The following MXRA5 variants were observed in gnomAD, a reference collection of about 807,000 sequenced individuals.
MXRA5 encodes matrix-remodeling-associated protein 5.
Under a neutral mutation model 112.5 loss-of-function variants are expected in MXRA5, and 41 were observed. The ratio of observed to expected loss-of-function variants is 0.36; its 90% confidence interval spans 0.28 to 0.47. The LOEUF (loss-of-function observed/expected upper bound fraction) is 0.47, where lower values mean the gene tolerates loss of function less well. Ranked by LOEUF, MXRA5 falls within the 20% of genes least tolerant of loss-of-function variation. MXRA5 has a pLI of 0.99. For missense variants in MXRA5, 2,150 were observed against 2,251.0 expected (o/e 0.96, Z 0.91); for synonymous variants, 862 against 900.8 (o/e 0.96, Z 0.77).
In MXRA5 at chrX:3,346,529, C is replaced by T; in HGVS notation, c.-43G>A. The stretch of plus-strand genomic sequence containing the variant: ...TGGGTCCTCACCTGTCCTTGGGAAG[C>T]CGCCGCACACGGGAGCGGTGCGCCG... On this transcript the variant is annotated 5_prime_UTR_variant, in exon 1 of 7. Transcript: ENST00000217939. 1.3e-6 allele frequency: 1 copy of T among 754,764 alleles called. No homozygotes were observed. The highest frequency in any genetic ancestry group is 1.6e-6 in the Non-Finnish European group (1 of 639,385). 62.2% of individuals were successfully genotyped at this position (754,764 alleles called of 1,213,427 possible).
At chrX:3,338,958 T>TTAGATAGATAGA (rs749467757) in intron 2 of MXRA5, among the ~76,000 whole-genome samples, 225 of 80,813 alleles carry the variant, frequency 2.8e-3, no homozygotes, top group Middle Eastern at 6.0e-3. Context: ...AGATAGATAG[T>TTAGATAGATAGA]TAGATAGATA....
rs773884393 is a variant in MXRA5 at position 3,346,557 on chromosome X, A to C, written c.-71T>G. 2 of 752,772 alleles carry C rather than the reference A, an allele frequency of 2.7e-6. No individual in the cohort carries two copies. Among genetic ancestry groups the C allele is most frequent in the African/African-American group, 4.6e-5 (2 of 43,315 alleles). 62.0% of individuals were successfully genotyped at this position (752,772 alleles called of 1,213,427 possible). On this transcript the variant is annotated 5_prime_UTR_variant, in exon 1 of 7. Coordinates refer to ENST00000217939, the MANE Select transcript of MXRA5 (RefSeq NM_015419.4). Reference sequence around the variant, plus strand: ...CCGCACACGGGAGCGGTGCGCCGGGAGCATCCACCGAGCCGGGGCGCGCGA... The same window carrying C: ...CCGCACACGGGAGCGGTGCGCCGGGCGCATCCACCGAGCCGGGGCGCGCGA...
chrX:3,346,539 C>G lies in MXRA5; in HGVS notation c.-53G>C. The G allele has an allele frequency of 1.3e-6, 1 of 754,741 alleles. No individual in the cohort carries two copies. 62.2% of individuals were successfully genotyped at this position (754,741 alleles called of 1,213,427 possible). A position where few individuals can be genotyped will look rare whatever the true frequency, so the allele number is the denominator to read the frequency against. ...CCTGTCCTTGGGAAGCCGCCGCACA[C>G]GGGAGCGGTGCGCCGGGAGCATCCA... On this transcript the variant is annotated 5_prime_UTR_variant, in exon 1 of 7. Transcript: ENST00000217939.
chrX:3,325,736 T>C (rs940112268), intron 4 of MXRA5, among the ~76,000 whole-genome samples: 1 of 51,029 alleles, frequency 2.0e-5, no homozygotes, highest in Non-Finnish European at 4.9e-5. Context: ...AGGAAGAATC[T>C]TTGGCATGTA....
Position 3,311,053 on chromosome X carries a change from T to C in MXRA5, c.7150A>G (p.Thr2384Ala). 8.3e-7 allele frequency: 1 copy of C among 1,211,647 alleles called. No individual in the cohort carries two copies. Among genetic ancestry groups the C allele is most frequent in the South Asian group, 1.8e-5 (1 of 56,972 alleles). ...GAGGAGGTGGGGATCACCTTGTTGG[T>C]TGGGGACAACCAAGTCACCTTGGGC... ...PMPKVTWLSP[T>A]NKVIPTSSEK... Residue 2384 changes from threonine to alanine, a missense_variant, in exon 7 of 7, where the codon ACC becomes GCC. Transcript: ENST00000217939.
At position 3,312,825 on chromosome X, in the gene MXRA5, C is replaced by T. The variant is rs779540321; in HGVS notation, c.6579-1201G>A. Among the ~76,000 whole-genome samples, 4 of 111,839 alleles carry T rather than the reference C, an allele frequency of 3.6e-5. No individual in the cohort carries two copies. In the East Asian group the frequency reaches 1.1e-3, roughly 31 times the overall value. On this transcript the variant is annotated intron_variant, in intron 6 of 6. Transcript: ENST00000217939. ...ACTTAAGTGATCCTTCTGCCTTGGT[C>T]TCCCAAAGTGCTGGGATTACAGGCA...
At position 3,321,094 on chromosome X, in the gene MXRA5, A is replaced by C; in HGVS notation, c.4591T>G (p.Leu1531Val). The C allele has an allele frequency of 8.3e-7, 1 of 1,211,715 alleles. No individual in the cohort carries two copies. Among genetic ancestry groups the C allele is most frequent in the Non-Finnish European group, 1.1e-6 (1 of 895,387 alleles). Residue 1531 changes from leucine (L) to valine (V), a missense_variant, in exon 5 of 7, where the codon TTG (leucine) becomes GTG (valine). Around this residue, in one of 6 missense-constraint regions of MXRA5, gnomAD observed 1,485 missense variants for 1,471.6 expected, o/e 1.01. Coordinates refer to ENST00000217939, the MANE Select transcript of MXRA5 (RefSeq NM_015419.4). ...GTTTCTGGATTCCCCACATAATTCA[A>C]GAAAACATTTTCCTTGGAATCTCTA... The part of the protein sequence containing the change: ...ASRDSKENVF[L>V]NYVGNPETEA...
At chrX:3,338,533 T>C (rs184702339) in intron 2 of MXRA5, among the ~76,000 whole-genome samples, 36 of 111,300 alleles carry the variant, frequency 3.2e-4, no homozygotes, top group African/African-American at 1.1e-3. Flanking sequence ...GGTAGATAGA[T>C]AGAATACATG....
Position 3,321,307 on chromosome X carries a change from G to A in MXRA5, c.4378C>T (p.Leu1460Phe), listed in dbSNP as rs374437300. ...GTGGTTTCAAGATGATCTTGATCAA[G>A]GGTGGTGGTTTCTGCCTGACTTGAA... ...VASSQAETTT[L>F]DQDHLETTVA... The change falls in exon 5 of 7, where the codon CTT becomes TTT. Residue 1460 changes from leucine to phenylalanine, a missense_variant. Leu to Phe is a conservative substitution (Grantham distance 22). Transcript: ENST00000217939. 16 of 1,209,907 alleles carry A rather than the reference G, an allele frequency of 1.3e-5. No homozygotes were observed. Among genetic ancestry groups the A allele is most frequent in the African/African-American group, 1.8e-5 (1 of 57,125 alleles).
intron 2 of MXRA5, among the ~76,000 whole-genome samples, chrX:3,338,862 T>C (rs751661864): frequency 9.1e-6 from 1 of 109,877 alleles, no homozygotes; most frequent in East Asian, 2.9e-4. Flanking sequence ...TAGATAGATA[T>C]AGACAGGTAG....
intron 4 of MXRA5, among the ~76,000 whole-genome samples, chrX:3,326,835 T>A (rs764759315): frequency 4.9e-4 from 54 of 111,012 alleles, no homozygotes; most frequent in Admixed American, 2.6e-3. Context: ...GCCTCTCGCA[T>A]ATGTGTGGTT....
chrX:3,319,288 C>T (rs1390846367), intron 5 of MXRA5, among the ~76,000 whole-genome samples: 1 of 112,551 alleles, frequency 8.9e-6, no homozygotes, highest in Non-Finnish European at 1.9e-5. Context: ...CATCTTTACA[C>T]TAATCCCAGA....
Position 3,320,936 on chromosome X carries a change from A to G in MXRA5, c.4749T>C (p.Ser1583=). The change falls in exon 5 of 7, where the codon AGT becomes AGC. Residue 1583 remains serine, a synonymous_variant. Transcript: ENST00000217939. The part of the protein sequence containing the change: ...KLELEKQVFG[S]RSLPRGPDSQ... Reference sequence around the variant, plus strand: ...TATCTGGGCCACGTGGTAGACTCCTACTACCAAATACTTGCTTTTCCAATT... The same window carrying G: ...TATCTGGGCCACGTGGTAGACTCCTGCTACCAAATACTTGCTTTTCCAATT... The G allele has an allele frequency of 8.3e-7, 1 of 1,211,487 alleles. No individual in the cohort carries two copies. The highest frequency in any genetic ancestry group is 1.1e-6 in the Non-Finnish European group (1 of 895,361).
chrX:3,337,865 G>A (rs112559363), intron 2 of MXRA5, among the ~76,000 whole-genome samples: 1 of 111,866 alleles, frequency 8.9e-6, no homozygotes, highest in East Asian at 2.8e-4. Flanking sequence ...AAACTTGGGG[G>A]AAGGACTTCT....
chrX:3,330,839 C>T, intron 2 of MXRA5, 66 bp from the exon 3 acceptor site: 1 of 818,280 alleles, frequency 1.2e-6, no homozygotes, highest in Non-Finnish European at 1.7e-6. Flanking sequence ...GAATACTTAA[C>T]TCCCATATGG....
intron 2 of MXRA5, among the ~76,000 whole-genome samples, chrX:3,336,128 A>G (rs953162856): frequency 8.9e-6 from 1 of 111,814 alleles, no homozygotes; most frequent in African/African-American, 3.3e-5. Flanking sequence ...TCCTATTCTG[A>G]ACTGTGTGTG....
chrX:3,341,166 T>C (rs1407514113), intron 2 of MXRA5, among the ~76,000 whole-genome samples: 1 of 55,414 alleles, frequency 1.8e-5, no homozygotes, highest in African/African-American at 7.2e-5. Flanking sequence ...TATTATATAT[T>C]ATATACATAA....
rs1485140917 is a variant in MXRA5 at position 3,320,791 on chromosome X, A to G, written c.4894T>C (p.Tyr1632His). 1 of 1,210,491 alleles carries G rather than the reference A, an allele frequency of 8.3e-7. No homozygotes were observed. The highest frequency in any genetic ancestry group is 1.1e-6 in the Non-Finnish European group (1 of 895,406). ...CGAGGTGACTGGGAAGTTACAAAGT[A>G]TCTGGAAGCGCTTTGTGTGGACATT... ...PEMSTQSASRYFVTSQSPRHW... is the reference protein window; with the variant it reads ...PEMSTQSASRHFVTSQSPRHW... Residue 1632 changes from tyrosine (Y) to histidine (H), a missense_variant, in exon 5 of 7, where the codon TAC becomes CAC. This residue lies in a region of MXRA5 where 1,485 missense variants were observed against 1,471.6 expected (regional missense o/e 1.01). Coordinates refer to ENST00000217939, the MANE Select transcript of MXRA5 (RefSeq NM_015419.4).
rs41297269 is a variant in MXRA5 at position 3,323,368 on chromosome X, T to C, written c.2317A>G (p.Met773Val). 4.1e-6 allele frequency: 5 copies of C among 1,211,876 alleles called. No homozygotes were observed. Among genetic ancestry groups the C allele is most frequent in the Admixed American group, 4.3e-5 (2 of 46,039 alleles). Residue 773 changes from methionine to valine, a missense_variant, in exon 5 of 7, where the codon ATG becomes GTG. Around this residue, in one of 6 missense-constraint regions of MXRA5, gnomAD observed 1,485 missense variants for 1,471.6 expected, o/e 1.01. Transcript: ENST00000217939. Reference sequence around the variant, plus strand: ...TCCGGATTAATCTGTTTGTTTGCCATGTTTATCCTTCGTCTAGATTCAAAC... The same window carrying C: ...TCCGGATTAATCTGTTTGTTTGCCACGTTTATCCTTCGTCTAGATTCAAAC... ...RVFESRRRINMANKQINPERW... is the reference protein window; with the variant it reads ...RVFESRRRINVANKQINPERW...
Sources: allele counts gnomAD v4.1 joint callset (sites outside exome capture counted in the v4.1 genomes callset), GRCh38; gene constraint gnomAD v4.1.1; regional missense constraint gnomAD v4.1.1; transcripts MANE v1.5; gene names NCBI Gene and HGNC (gene_info 2026-07-23, HGNC 2026-07-21).